The following STK32B variants were observed in gnomAD, a reference collection of about 807,000 sequenced individuals.
STK32B encodes serine/threonine-protein kinase 32B.
In STK32B, 43 loss-of-function variants were observed where a neutral mutation model predicts 52.6. That is an observed-to-expected ratio of 0.82 (90% confidence interval 0.64 to 1.05). The LOEUF (loss-of-function observed/expected upper bound fraction) is 1.05. Ranked by LOEUF, STK32B falls within the 50% of genes least tolerant of loss-of-function variation. The pLI, the probability that STK32B is intolerant of heterozygous loss-of-function variation, is 0.00. For missense variants in STK32B, 621 were observed against 534.6 expected (o/e 1.16, Z -1.59); for synonymous variants, 238 against 204.3 (o/e 1.17, Z -1.41).
At chr4:5,493,059 G>T (rs1302656314) in intron 11 of STK32B, among the ~76,000 whole-genome samples, 2 of 151,280 alleles carry the variant, frequency 1.3e-5, no homozygotes, top group African/African-American at 2.5e-5. Flanking sequence ...TTGTGTCTCT[G>T]CCTGGCTTTG....
intron 3 of STK32B, among the ~76,000 whole-genome samples, chr4:5,302,838 G>A (rs1050006050): frequency 1.3e-5 from 2 of 151,882 alleles, no homozygotes; most frequent in Non-Finnish European, 2.9e-5. Flanking sequence ...CCACTAATGA[G>A]TGAGAACCTA....
intron 11 of STK32B, among the ~76,000 whole-genome samples, chr4:5,492,340 A>C (rs984163712): frequency 6.6e-6 from 1 of 152,166 alleles, no homozygotes; most frequent in African/African-American, 2.4e-5. Context: ...TCTTTGAAGC[A>C]ATTGTGAATG....
chr4:5,437,273 A>G (rs1714167734), intron 6 of STK32B, among the ~76,000 whole-genome samples: 1 of 152,248 alleles, frequency 6.6e-6, no homozygotes. Context: ...AAACAATAGA[A>G]GTTCATTTTC....
At position 5,400,733 on chromosome 4, in the gene STK32B, C is replaced by T. The variant is rs1737237845; in HGVS notation, c.472+2489C>T. Among the ~76,000 whole-genome samples, 2 of 152,174 alleles carry T rather than the reference C, an allele frequency of 1.3e-5. No homozygotes were observed. Among genetic ancestry groups the T allele is most frequent in the Non-Finnish European group, 1.5e-5 (1 of 68,028 alleles). On this transcript the variant is annotated intron_variant, in intron 5 of 11. Coordinates refer to ENST00000282908, the MANE Select transcript of STK32B (RefSeq NM_018401.3). The surrounding 1 kb of genome is among the most constrained non-coding windows in gnomAD (Gnocchi z 6.1). ...ATTCTATGCCCATGGCCCTCCTTTA[C>T]CTGCTCTTCTGAGGGGAGCTGATCG... is the stretch of plus-strand genomic sequence containing the variant.
chr4:5,337,096 A>G lies in STK32B; in HGVS notation c.434+5703A>G, dbSNP rs544788290. 1.2e-4 allele frequency among the ~76,000 whole-genome samples: 18 copies of G among 151,466 alleles called. No homozygotes were observed. The South Asian group carries it at 2.9e-3, about 25-fold the overall frequency. On this transcript the variant is annotated intron_variant, in intron 4 of 11. Coordinates refer to ENST00000282908, the MANE Select transcript of STK32B (RefSeq NM_018401.3). ...TGGGCTCAAGTGATCCTCCCACCTC[A>G]GCCTGCTAAGTAGCTGGGACCATAA...
intron 1 of STK32B, among the ~76,000 whole-genome samples, chr4:5,054,416 TG>T (rs962907716): frequency 5.4e-5 from 8 of 147,458 alleles, no homozygotes; most frequent in Non-Finnish European, 1.2e-4. Flanking sequence ...AGGAGTTACC[TG>T]GGGGGAAGAA....
chr4:5,354,578 T>C (rs1042224431), intron 4 of STK32B, among the ~76,000 whole-genome samples: 1 of 152,206 alleles, frequency 6.6e-6, no homozygotes, highest in African/African-American at 2.4e-5. Flanking sequence ...ATGGAAGGTG[T>C]GAGTTCTAAT....
rs370967366 is a variant in STK32B, at chr4:5,247,936, G to T, written c.260+79486G>T. ...CAGGGCCTTGGCTCATCTCCTTGGGGTGATTAAAACACATGCCTCTTTTTA... is the reference window on the plus strand; with the variant it reads ...CAGGGCCTTGGCTCATCTCCTTGGGTTGATTAAAACACATGCCTCTTTTTA... On this transcript the variant is annotated intron_variant, in intron 3 of 11. Coordinates refer to ENST00000282908, the MANE Select transcript of STK32B (RefSeq NM_018401.3). Among the ~76,000 whole-genome samples, 4 of 152,212 alleles carry T rather than the reference G, an allele frequency of 2.6e-5. No homozygotes were observed. The East Asian group carries it at 5.8e-4, about 22-fold the overall frequency.
chr4:5,429,470 A>C (rs1263739538), intron 6 of STK32B, among the ~76,000 whole-genome samples: 1 of 152,024 alleles, frequency 6.6e-6, no homozygotes, highest in Non-Finnish European at 1.5e-5. Flanking sequence ...ATACATCTTC[A>C]ATTAATCAGA....
At chr4:5,068,868 T>C (rs1711586950) in intron 1 of STK32B, among the ~76,000 whole-genome samples, 1 of 152,228 alleles carries the variant, frequency 6.6e-6, no homozygotes, top group South Asian at 2.1e-4. Context: ...ATGTTTTTCA[T>C]TAACGTATTC....
At chr4:5,236,418 A>G (rs947606692) in intron 3 of STK32B, among the ~76,000 whole-genome samples, 2 of 152,208 alleles carry the variant, frequency 1.3e-5, no homozygotes, top group Admixed American at 6.5e-5. Flanking sequence ...AGAATTTTCA[A>G]ACATTGAACA....
At chr4:5,401,044 G>C (rs1432601772) in intron 5 of STK32B, among the ~76,000 whole-genome samples, 1 of 152,198 alleles carries the variant, frequency 6.6e-6, no homozygotes, top group Non-Finnish European at 1.5e-5. Context: ...AAGGTGCCTG[G>C]ATGGACAGGT....
chr4:5,326,047 G>A (rs974296165), intron 3 of STK32B, among the ~76,000 whole-genome samples: 6 of 152,084 alleles, frequency 3.9e-5, no homozygotes, highest in Non-Finnish European at 8.8e-5. Context: ...TGTTCTCTTA[G>A]CATTTTGATT....
chr4:5,044,803 C>T, the STK32B span, among the ~76,000 whole-genome samples: 2 of 152,138 alleles, frequency 1.3e-5, no homozygotes, highest in African/African-American at 4.8e-5. Context: ...ACCAGCTACT[C>T]AGGAAGCTGA....
chr4:5,135,621 T>C (rs1412803953), intron 1 of STK32B, among the ~76,000 whole-genome samples: 2 of 152,212 alleles, frequency 1.3e-5, no homozygotes, highest in Non-Finnish European at 2.9e-5. Context: ...TGCTGGCCTG[T>C]GTTCAGAGGC....
At chr4:5,029,002 G>C in the STK32B span, among the ~76,000 whole-genome samples, 1 of 152,124 alleles carries the variant, frequency 6.6e-6, no homozygotes, top group East Asian at 1.9e-4. Context: ...AAACAACCGG[G>C]TCTCAGGAGA....
At chr4:5,250,863 T>C (rs1333519574) in intron 3 of STK32B, among the ~76,000 whole-genome samples, 1 of 152,220 alleles carries the variant, frequency 6.6e-6, no homozygotes. Context: ...TGTATGTCTT[T>C]TGAAAAGTGT....
intron 3 of STK32B, among the ~76,000 whole-genome samples, chr4:5,181,365 CACAG>C (rs1358687414): frequency 0.011 from 1,140 of 100,454 alleles, 15 homozygotes; most frequent in African/African-American, 0.029. Flanking sequence ...CACACACACA[CACAG>C]AGATCTCATT....
intron 3 of STK32B, among the ~76,000 whole-genome samples, chr4:5,280,675 A>G (rs1728133223): frequency 6.6e-6 from 1 of 152,136 alleles, no homozygotes; most frequent in Non-Finnish European, 1.5e-5. Flanking sequence ...TGGGTGGGTC[A>G]CTTGAGGTCA....
Sources: gnomAD v4.1 joint callset for allele counts (sites outside exome capture counted in the v4.1 genomes callset) on GRCh38, gnomAD v4.1.1 for gene constraint, Gnocchi (gnomAD v3.1) non-coding constraint, MANE v1.5 for transcripts, NCBI Gene and HGNC (gene_info 2026-07-23, HGNC 2026-07-21) for gene names.